Variants in PACRG observed in about 807,000 individuals in gnomAD.
The protein encoded by PACRG is parkin coregulated, also known as parkin coregulated gene protein.
A neutral mutation model predicts 29.7 loss-of-function variants in PACRG; 29 were observed. The observed-to-expected ratio is 0.98, with a 90% CI of 0.73 to 1.33. The LOEUF (loss-of-function observed/expected upper bound fraction) is 1.33, where lower values mean the gene tolerates loss of function less well. Among genes scored for constraint, PACRG ranks in the 40% most tolerant of loss-of-function variants. The pLI is 0.00. For missense variants in PACRG, 279 were observed against 316.2 expected, an observed-to-expected ratio of 0.88 and a Z score of 0.89; for synonymous variants, 116 against 118.7, an observed-to-expected ratio of 0.98 and a Z score of 0.15.
At chr6:163,029,497 T>C (rs1413192982) in intron 2 of PACRG, among the ~76,000 whole-genome samples, 1 of 152,114 alleles carries the variant, frequency 6.6e-6, no homozygotes, top group Non-Finnish European at 1.5e-5. Context: ...CTCCCTTTCC[T>C]CCAGGGGATA....
At chr6:162,877,155 A>G (rs1375017455) in intron 2 of PACRG, among the ~76,000 whole-genome samples, 1 of 152,184 alleles carries the variant, frequency 6.6e-6, no homozygotes, top group Non-Finnish European at 1.5e-5. Flanking sequence ...TTGCAGCACT[A>G]TTTACAATAG....
At chr6:163,261,190 G>T (rs1374179239) in intron 4 of PACRG, among the ~76,000 whole-genome samples, 2 of 151,986 alleles carry the variant, frequency 1.3e-5, no homozygotes, top group African/African-American at 2.4e-5. Flanking sequence ...CGCCTCTTCT[G>T]CCCTCAGCTT....
chr6:163,027,146 G>A (rs1562844492), intron 2 of PACRG, among the ~76,000 whole-genome samples: 1 of 152,170 alleles, frequency 6.6e-6, no homozygotes, highest in Non-Finnish European at 1.5e-5. Flanking sequence ...CATAATTATA[G>A]GATGAGAAAT....
At chr6:163,001,508 A>G (rs1226418237) in intron 2 of PACRG, among the ~76,000 whole-genome samples, 2 of 152,226 alleles carry the variant, frequency 1.3e-5, no homozygotes, top group Non-Finnish European at 2.9e-5. Flanking sequence ...CCTTCAGGCC[A>G]AATCAAAGAG....
intron 4 of PACRG, among the ~76,000 whole-genome samples, chr6:163,129,932 A>G (rs561410210): frequency 2.6e-5 from 4 of 152,358 alleles, no homozygotes; most frequent in Admixed American, 2.0e-4. Context: ...GGGGTGGATC[A>G]TTCCAGAAAA....
intron 4 of PACRG, among the ~76,000 whole-genome samples, chr6:163,302,806 T>C (rs568072409): frequency 6.6e-6 from 1 of 152,262 alleles, no homozygotes; most frequent in Non-Finnish European, 1.5e-5. Context: ...GGTGAGTTTA[T>C]CCATTTAATT....
At chr6:162,893,585 T>C (rs1053364037) in intron 2 of PACRG, among the ~76,000 whole-genome samples, 1 of 152,164 alleles carries the variant, frequency 6.6e-6, no homozygotes, top group African/African-American at 2.4e-5. Context: ...TCTACACTCC[T>C]TGTATGGGAG....
rs192907508 is a variant in PACRG at position 163,108,270 on chromosome 6, A to T, written c.613+18862A>T. On this transcript the variant is annotated intron_variant, in intron 4 of 4. Transcript: ENST00000366888. ...ACTTTGCTCTCTTCCTCCTGCTCCA[A>T]CCGTGTAGAAAGTGTCTGCTTGCCC... Among the ~76,000 whole-genome samples, 665 of 151,854 alleles carry T rather than the reference A, an allele frequency of 4.4e-3. 2 individuals carry two copies. The highest frequency in any genetic ancestry group is 7.3e-3 in the Non-Finnish European group (495 of 67,954).
chr6:163,047,878 A>G (rs1450242703), intron 2 of PACRG, among the ~76,000 whole-genome samples: 1 of 152,196 alleles, frequency 6.6e-6, no homozygotes, highest in Non-Finnish European at 1.5e-5. Context: ...TTTGTCAATC[A>G]TCTTTTGTAA....
intron 2 of PACRG, among the ~76,000 whole-genome samples, chr6:162,965,106 G>A (rs1800920685): frequency 6.6e-6 from 1 of 152,178 alleles, no homozygotes; most frequent in Non-Finnish European, 1.5e-5. Flanking sequence ...GTAGACACAT[G>A]GACGAAGGGT....
intron 4 of PACRG, chr6:163,165,741 C>T (rs191524072): frequency 8.0e-6 from 2 of 250,272 alleles, no homozygotes; most frequent in East Asian, 1.2e-4. Context: ...GGGAAGCTAA[C>T]TGGAGGGAGG....
chr6:162,900,216 C>T (rs1169916065), intron 2 of PACRG, among the ~76,000 whole-genome samples: 3 of 152,098 alleles, frequency 2.0e-5, no homozygotes, highest in African/African-American at 7.2e-5. Context: ...ACTCACAATG[C>T]TCACGGATGT....
At chr6:162,747,367 C>T (rs1333225254) in intron 1 of PACRG, among the ~76,000 whole-genome samples, 4,993 of 47,626 alleles carry the variant, frequency 0.1, 917 homozygotes, top group African/African-American at 0.44. Flanking sequence ...TATATATACA[C>T]ATACATATAT....
intron 2 of PACRG, chr6:163,054,264 A>C (rs1025357822): frequency 6.6e-6 from 1 of 152,180 alleles, no homozygotes; most frequent in Non-Finnish European, 1.5e-5. Context: ...CAGTAGGCCC[A>C]TTGTCTTTAT....
rs182613596 is a variant in PACRG at position 163,076,511 on chromosome 6, C to G, written c.464-12748C>G. 2.6e-5 allele frequency among the ~76,000 whole-genome samples: 4 copies of G among 152,312 alleles called. No individual in the cohort carries two copies. The East Asian group carries it at 7.7e-4, about 29-fold the overall frequency. On this transcript the variant is annotated intron_variant, in intron 3 of 4. Coordinates refer to ENST00000366888, the MANE Select transcript of PACRG (RefSeq NM_001080379.2). Reference sequence around the variant, plus strand: ...TCAACTCACCTTATCAGGTGCATTTCCAGATTTTAAGGGCAGACTCCTCTC... The same window carrying G: ...TCAACTCACCTTATCAGGTGCATTTGCAGATTTTAAGGGCAGACTCCTCTC...
chr6:162,770,996 T>C (rs1783173919), intron 1 of PACRG, among the ~76,000 whole-genome samples: 1 of 152,142 alleles, frequency 6.6e-6, no homozygotes. Flanking sequence ...ATAAAGGAGT[T>C]TATAATCAGG....
At chr6:163,000,284 G>A (rs2128196969) in intron 2 of PACRG, among the ~76,000 whole-genome samples, 1 of 152,296 alleles carries the variant, frequency 6.6e-6, no homozygotes, top group South Asian at 2.1e-4. Context: ...TTGTGGTGCA[G>A]GGTACTCGGA....
rs1230774599 is a variant in PACRG at position 163,198,613 on chromosome 6, C to T, written c.613+109205C>T. On this transcript the variant is annotated intron_variant, in intron 4 of 4. Transcript: ENST00000366888. Reference sequence around the variant, plus strand: ...ACCAAGGATCTGTGTTCCTGTTTTGCTACATGTAGAAAGTGTGTTGCCTTG... The same window carrying T: ...ACCAAGGATCTGTGTTCCTGTTTTGTTACATGTAGAAAGTGTGTTGCCTTG... Among the ~76,000 whole-genome samples the T allele has an allele frequency of 2.0e-5, 3 of 152,164 alleles. No homozygotes were observed. In the East Asian group the frequency reaches 5.8e-4, roughly 29 times the overall value.
chr6:162,817,130 G>T (rs897690531), intron 2 of PACRG, among the ~76,000 whole-genome samples: 1 of 152,226 alleles, frequency 6.6e-6, no homozygotes, highest in African/African-American at 2.4e-5. Context: ...GACTTAGGAT[G>T]CACTGGCTGT....
Sources: gnomAD v4.1 joint callset for allele counts (sites outside exome capture counted in the v4.1 genomes callset) on GRCh38, gnomAD v4.1.1 for gene constraint, MANE v1.5 for transcripts, NCBI Gene and HGNC (gene_info 2026-07-23, HGNC 2026-07-21) for gene names.